STON2: variants seen among roughly 807,000 people sequenced by gnomAD.
The protein encoded by STON2 is stonin-2.
In STON2, 29 loss-of-function variants were observed where a neutral mutation model predicts 65.7. The ratio of observed to expected loss-of-function variants is 0.44; its 90% confidence interval spans 0.33 to 0.60. STON2 has a LOEUF of 0.60. STON2 is among the 20% of genes least tolerant of loss of function. STON2 has a pLI of 0.03. For synonymous variants in STON2, 404 were observed against 414.2 expected (o/e 0.98, Z 0.30); for missense variants, 1,054 against 1,118.1 (o/e 0.94, Z 0.82).
chr14:81,273,186 C>T (rs551233030), intron 6 of STON2, among the ~76,000 whole-genome samples: 2 of 152,342 alleles, frequency 1.3e-5, no homozygotes, highest in South Asian at 4.1e-4. Flanking sequence ...ACAGCAAATT[C>T]TGAAAGCAGC....
At position 81,265,128 on chromosome 14, in the gene STON2, C is replaced by T. The variant is rs1894306042; in HGVS notation, c.*3286G>A. On this transcript the variant is annotated 3_prime_UTR_variant, in exon 8 of 8. Coordinates refer to ENST00000614646, the MANE Select transcript of STON2 (RefSeq NM_001394390.1). The stretch of plus-strand genomic sequence containing the variant: ...TCCAGGGTTGCAAAAGTAGAATCTG[C>T]ATATCCACAGGTAATTTGCCCAACT... The T allele has an allele frequency of 2.0e-6, 2 of 984,520 alleles. No homozygotes were observed. The highest frequency in any genetic ancestry group is 2.4e-6 in the Non-Finnish European group (2 of 829,828). 61.0% of individuals were successfully genotyped at this position (984,520 alleles called of 1,614,324 possible). A position where few individuals can be genotyped will look rare whatever the true frequency, so the allele number is the denominator to read the frequency against.
chr14:81,306,153 A>ATCTC (rs141736505), intron 5 of STON2, among the ~76,000 whole-genome samples: 84,913 of 129,612 alleles, frequency 0.66, 28,184 homozygotes, highest in Non-Finnish European at 0.69. Flanking sequence ...ATTCTTTTAA[A>ATCTC]TCTCTCTCTC....
intron 4 of STON2, among the ~76,000 whole-genome samples, chr14:81,336,848 C>T (rs915839652): frequency 2.0e-5 from 3 of 152,054 alleles, no homozygotes; most frequent in African/African-American, 4.8e-5. Context: ...AAGCCAAAGA[C>T]GCTGGGCAGA....
chr14:81,308,836 G>GCA (rs1896306770), intron 5 of STON2, among the ~76,000 whole-genome samples: 1 of 8,216 alleles, frequency 1.2e-4, no homozygotes, highest in African/African-American at 4.7e-4. Flanking sequence ...GTGTGTGTGT[G>GCA]TATATATATA....
rs569969278 is a variant in STON2, at chr14:81,434,872, A to G, written c.-310+1449T>C. The stretch of plus-strand genomic sequence containing the variant: ...CCAGACCACCCAGGTCAGGCATAGG[A>G]AAAAAAACACCTAAAAGTAGCAACT... On this transcript the variant is annotated intron_variant, in intron 1 of 8. Coordinates refer to the STON2 transcript ENST00000553821. Among the ~76,000 whole-genome samples, 5 of 152,114 alleles carry G rather than the reference A, an allele frequency of 3.3e-5. No homozygotes were observed. In the South Asian group the frequency reaches 8.3e-4, roughly 25 times the overall value.
intron 4 of STON2, among the ~76,000 whole-genome samples, chr14:81,330,440 T>G (rs1229933261): frequency 2.0e-5 from 3 of 152,164 alleles, no homozygotes; most frequent in African/African-American, 7.2e-5. Flanking sequence ...GGTGTCTTTT[T>G]TTTTTTCTTA....
rs1231451858 is a variant in STON2 at position 81,293,232 on chromosome 14, G to C, written c.743-14493C>G. Among the ~76,000 whole-genome samples, 7 of 149,130 alleles carry C rather than the reference G, an allele frequency of 4.7e-5. 1 individual carries two copies. In the Admixed American group the frequency reaches 4.7e-4, roughly 10 times the overall value. On this transcript the variant is annotated intron_variant, in intron 5 of 7. Coordinates refer to ENST00000614646, the MANE Select transcript of STON2 (RefSeq NM_001394390.1). ...CTCCGTCATCAGGCTGGAGTGCAGT[G>C]GTGCGATCTTGGCTCACTGCAACCT... is the stretch of plus-strand genomic sequence containing the variant.
In STON2 at chr14:81,340,022, C is replaced by T. The variant is rs556938924; in HGVS notation, c.572-15835G>A. Among the ~76,000 whole-genome samples the T allele has an allele frequency of 1.5e-4, 23 of 152,190 alleles. 1 individual carries two copies. Among genetic ancestry groups the T allele is most frequent in the South Asian group, 8.3e-4 (4 of 4,820 alleles). On this transcript the variant is annotated intron_variant, in intron 4 of 7. Transcript: ENST00000614646. ...ACAAAAAATTAGCCGGGCGTGGTGGCGGGCGCCTGTAGTCCTAGCTACTCG... is the reference window on the plus strand; with the variant it reads ...ACAAAAAATTAGCCGGGCGTGGTGGTGGGCGCCTGTAGTCCTAGCTACTCG...
At position 81,268,182 on chromosome 14, in the gene STON2, T is replaced by C; in HGVS notation, c.*232A>G. On this transcript the variant is annotated 3_prime_UTR_variant, in exon 8 of 8. Coordinates refer to ENST00000614646, the MANE Select transcript of STON2 (RefSeq NM_001394390.1). ...AGCTCCAACAGTCAGGTGAACCTCGTGCTTTAGGCATGACCAGAATCAAAG... is the reference window on the plus strand; with the variant it reads ...AGCTCCAACAGTCAGGTGAACCTCGCGCTTTAGGCATGACCAGAATCAAAG... 1.8e-6 allele frequency: 2 copies of C among 1,126,358 alleles called. No individual in the cohort carries two copies. The highest frequency in any genetic ancestry group is 2.2e-6 in the Non-Finnish European group (2 of 911,580). 69.8% of individuals were successfully genotyped at this position (1,126,358 alleles called of 1,614,324 possible).
intron 6 of STON2, among the ~76,000 whole-genome samples, chr14:81,273,601 C>T (rs1358069575): frequency 1.3e-5 from 2 of 152,090 alleles, no homozygotes; most frequent in Non-Finnish European, 2.9e-5. Context: ...GAGAGGGGAG[C>T]TGCCCACGTA....
intron 4 of STON2, among the ~76,000 whole-genome samples, chr14:81,366,395 C>A (rs184114382): frequency 7.2e-5 from 11 of 152,234 alleles, no homozygotes; most frequent in South Asian, 2.1e-4. Context: ...GCCCAGAGCA[C>A]CGTAATCCCT....
At chr14:81,418,727 C>T (rs145482013) in intron 2 of STON2, among the ~76,000 whole-genome samples, 94 of 152,312 alleles carry the variant, frequency 6.2e-4, no homozygotes, top group African/African-American at 2.2e-3. Flanking sequence ...GACCACAGCA[C>T]AACTGTAAAA....
At chr14:81,388,215 TGGGATTACA>T (rs1266060043) in intron 3 of STON2, among the ~76,000 whole-genome samples, 2 of 152,058 alleles carry the variant, frequency 1.3e-5, no homozygotes, top group African/African-American at 4.8e-5. Context: ...CCCAAAGTGC[TGGGATTACA>T]GGCGTGAGCC....
At chr14:81,276,733 C>T (rs1428745258) in intron 6 of STON2, among the ~76,000 whole-genome samples, 168 bp downstream of exon 6, 2 of 152,184 alleles carry the variant, frequency 1.3e-5, no homozygotes, top group East Asian at 1.9e-4. Flanking sequence ...GGTCACTATA[C>T]GCATTACTTA....
chr14:81,316,994 T>C (rs1443294823), intron 5 of STON2, among the ~76,000 whole-genome samples: 1 of 152,036 alleles, frequency 6.6e-6, no homozygotes, highest in Non-Finnish European at 1.5e-5. Flanking sequence ...CACTCCAGCC[T>C]GGGTGATAGA....
At chr14:81,320,104 C>T (rs746047978) in intron 5 of STON2, among the ~76,000 whole-genome samples, 2 of 152,110 alleles carry the variant, frequency 1.3e-5, no homozygotes, top group Non-Finnish European at 2.9e-5. Context: ...GCCTCACTCA[C>T]GTGGCCAGTG....
At chr14:81,297,858 G>C (rs907928867) in intron 5 of STON2, among the ~76,000 whole-genome samples, 19 of 152,150 alleles carry the variant, frequency 1.2e-4, no homozygotes, top group Admixed American at 5.9e-4. Context: ...GACCAACATG[G>C]AGAAACCCCA....
chr14:81,349,671 T>A (rs745479515), intron 4 of STON2, among the ~76,000 whole-genome samples: 1 of 152,036 alleles, frequency 6.6e-6, no homozygotes, highest in South Asian at 2.1e-4. Context: ...AGTGTGGAGA[T>A]TTCTCAAAAA....
chr14:81,379,919 C>G (rs1408741342), intron 3 of STON2, among the ~76,000 whole-genome samples: 2 of 152,188 alleles, frequency 1.3e-5, no homozygotes, highest in African/African-American at 4.8e-5. Context: ...GAATACCATT[C>G]TGGACATTGG....
Sources: gnomAD v4.1 joint callset for allele counts (sites outside exome capture counted in the v4.1 genomes callset) on GRCh38, gnomAD v4.1.1 for gene constraint, MANE v1.5 for transcripts, NCBI Gene and HGNC (gene_info 2026-07-23, HGNC 2026-07-21) for gene names.